RELCH: variants seen among roughly 807,000 people sequenced by gnomAD.
RELCH encodes RAB11 binding and LisH domain, coiled-coil and HEAT repeat containing.
RELCH carries 41 observed loss-of-function variants against 150.3 expected under a neutral mutation model. The ratio of observed to expected loss-of-function variants is 0.27; its 90% CI spans 0.21 to 0.35. The LOEUF (loss-of-function observed/expected upper bound fraction) is 0.35. RELCH is among the 10% of genes least tolerant of loss of function. The pLI is 1.00. For missense variants in RELCH, 1,092 were observed against 1,467.8 expected, an observed-to-expected ratio of 0.74 and a Z score of 4.18; for synonymous variants, 478 against 531.8, an observed-to-expected ratio of 0.90 and a Z score of 1.39.
At chr18:62,289,353 C>T (rs1178411037) in intron 26 of RELCH, among the ~76,000 whole-genome samples, 1 of 152,118 alleles carries the variant, frequency 6.6e-6, no homozygotes, top group Admixed American at 6.6e-5. Flanking sequence ...CTAAGCTGAT[C>T]AGAAGAGTGC....
chr18:62,195,280 C>CTGTGTGTGTGTG (rs148387504), intron 1 of RELCH, among the ~76,000 whole-genome samples: 3,105 of 136,228 alleles, frequency 0.023, 92 homozygotes, highest in African/African-American at 0.06. Flanking sequence ...TACACACACT[C>CTGTGTGTGTGTG]TGTGTGTGTG....
chr18:62,217,887 C>G (rs1442983195), intron 2 of RELCH, among the ~76,000 whole-genome samples: 1 of 151,800 alleles, frequency 6.6e-6, no homozygotes, highest in Non-Finnish European at 1.5e-5. Context: ...TTTGTTCCCA[C>G]CAAGTTGAAT....
chr18:62,281,025 C>T (rs938885371), intron 24 of RELCH, among the ~76,000 whole-genome samples: 3 of 152,170 alleles, frequency 2.0e-5, no homozygotes, highest in African/African-American at 7.2e-5. Flanking sequence ...CCTTCCTCTT[C>T]CCTCTTTTCT....
chr18:62,241,781 T>C (rs1350669368), intron 10 of RELCH, among the ~76,000 whole-genome samples: 1 of 152,146 alleles, frequency 6.6e-6, no homozygotes, highest in African/African-American at 2.4e-5. Flanking sequence ...AGTCTGAAAA[T>C]GGTAAATACA....
rs764974918 is a variant in RELCH, at chr18:62,255,487, G to C, written c.1896+9G>C. On this transcript the variant is annotated intron_variant, in intron 13 of 28. Transcript: ENST00000644646. ...TGGCACCTTACCTTCCTGTAAGATT[G>C]TCTTTTTTTTTTTCTTTAAACTATT... 1 of 1,562,452 alleles carries C rather than the reference G, an allele frequency of 6.4e-7. No homozygotes were observed. The highest frequency in any genetic ancestry group is 1.2e-5 in the South Asian group (1 of 83,900).
chr18:62,237,089 T>C (rs2148461706), intron 10 of RELCH, among the ~76,000 whole-genome samples: 1 of 151,994 alleles, frequency 6.6e-6, no homozygotes, highest in Non-Finnish European at 1.5e-5. Flanking sequence ...GCCACATATT[T>C]GTGAATGTTC....
chr18:62,187,938 C>G lies in RELCH; in HGVS notation c.433C>G (p.Pro145Ala). ...CTTCGAGAGGCAAAGTGGAACCCCG[C>G]CGGGGATGGGGGCGCCAGGGGTCCC... ...GNFERQSGTPPGMGAPGVPGA... is the reference protein window; with the variant it reads ...GNFERQSGTPAGMGAPGVPGA... The change falls in exon 1 of 29, where the codon CCG becomes GCG. Residue 145 changes from proline (P) to alanine (A), a missense_variant. Coordinates refer to ENST00000644646, the MANE Select transcript of RELCH (RefSeq NM_001346231.2). The G allele has an allele frequency of 6.3e-7, 1 of 1,597,780 alleles. No individual in the cohort carries two copies. The highest frequency in any genetic ancestry group is 1.1e-5 in the South Asian group (1 of 88,656).
chr18:62,271,529 C>T (rs1226997655), intron 20 of RELCH, among the ~76,000 whole-genome samples: 2 of 152,074 alleles, frequency 1.3e-5, no homozygotes, highest in Admixed American at 6.5e-5. Context: ...TTATCCCATT[C>T]TGTAGGTTGC....
At chr18:62,254,070 C>T (rs73964850) in intron 12 of RELCH, among the ~76,000 whole-genome samples, 4,141 of 152,128 alleles carry the variant, frequency 0.027, 187 homozygotes, top group African/African-American at 0.094. Flanking sequence ...ATTATTTTGA[C>T]GGTTCCAGGT....
At chr18:62,190,025 G>T (rs1338851120) in intron 1 of RELCH, among the ~76,000 whole-genome samples, 2 of 152,044 alleles carry the variant, frequency 1.3e-5, no homozygotes, top group African/African-American at 4.8e-5. Context: ...ATGAACAACA[G>T]GACAAAAAAT....
At chr18:62,206,208 C>T (rs186832297) in intron 1 of RELCH, among the ~76,000 whole-genome samples, 4 of 152,278 alleles carry the variant, frequency 2.6e-5, no homozygotes, top group Middle Eastern at 3.4e-3. Context: ...TGCTACCATA[C>T]CCGGCTAGTT....
chr18:62,264,735 A>T lies in RELCH; in HGVS notation c.2514A>T (p.Pro838=). Residue 838 remains proline, a synonymous_variant, in exon 18 of 29, where the codon CCA becomes CCT. Transcript: ENST00000644646. ...SLLWVVNQLL[P]QLIEIVGKIN... The stretch of plus-strand genomic sequence containing the variant: ...TCTTTCCTTTCATATTCAGGTTGCC[A>T]CAACTTATAGAAATAGTTGGCAAAA... 1 of 1,592,034 alleles carries T rather than the reference A, an allele frequency of 6.3e-7. No individual in the cohort carries two copies. Among genetic ancestry groups the T allele is most frequent in the Middle Eastern group, 1.7e-4 (1 of 5,940 alleles).
intron 21 of RELCH, among the ~76,000 whole-genome samples, chr18:62,274,979 C>T (rs1257882054): frequency 1.3e-5 from 2 of 152,152 alleles, no homozygotes; most frequent in East Asian, 1.9e-4. Context: ...TGCAGTGGTG[C>T]GATCTCAGCT....
intron 1 of RELCH, among the ~76,000 whole-genome samples, chr18:62,188,654 G>A (rs1454879365): frequency 6.6e-6 from 1 of 152,228 alleles, no homozygotes; most frequent in African/African-American, 2.4e-5. Flanking sequence ...GAGCAAGGCA[G>A]ACAGGTTCTA....
rs770817506 is a variant in RELCH, at chr18:62,227,413, TAGA to T, written c.990_992del (p.Glu330del). 8 of 1,612,806 alleles carry T rather than the reference TAGA, an allele frequency of 5.0e-6. No individual in the cohort carries two copies. In the Admixed American group the frequency reaches 8.4e-5, roughly 17 times the overall value. On this transcript the variant is annotated inframe_deletion, in exon 6 of 29. Transcript: ENST00000644646. ...GATCTTGTAGATGTGGCCAGTGGAG[TAGA>T]AGAAGATGAATTAGAGGCCCTTACA...
At chr18:62,278,187 C>T (rs575777935) in intron 22 of RELCH, among the ~76,000 whole-genome samples, 163 of 152,240 alleles carry the variant, frequency 1.1e-3, no homozygotes, top group African/African-American at 3.8e-3. Flanking sequence ...TTGTCCTCTA[C>T]ATTACCTCTT....
chr18:62,239,753 G>A (rs73458533), intron 10 of RELCH, among the ~76,000 whole-genome samples: 14,787 of 151,920 alleles, frequency 0.097, 848 homozygotes, highest in East Asian at 0.19. Flanking sequence ...AAAGCCCCGT[G>A]TTAGTGCTGT....
At chr18:62,223,531 C>T (rs914253714) in intron 5 of RELCH, among the ~76,000 whole-genome samples, 5 of 152,032 alleles carry the variant, frequency 3.3e-5, no homozygotes, top group African/African-American at 4.8e-5. Context: ...GTAATACAAA[C>T]TCTTCTAGAA....
At chr18:62,222,285 T>C (rs1373582904) in intron 5 of RELCH, among the ~76,000 whole-genome samples, 1 of 151,798 alleles carries the variant, frequency 6.6e-6, no homozygotes, top group Non-Finnish European at 1.5e-5. Context: ...GCAATAAGTA[T>C]CTAGTTATTT....
Sources: gnomAD v4.1 joint callset for allele counts (sites outside exome capture counted in the v4.1 genomes callset) on GRCh38, gnomAD v4.1.1 for gene constraint, MANE v1.5 for transcripts, NCBI Gene and HGNC (gene_info 2026-07-23, HGNC 2026-07-21) for gene names.